The following RORA variants were observed in gnomAD, a reference collection of about 807,000 sequenced individuals.
RORA encodes RAR related orphan receptor A, also known as nuclear receptor ROR-alpha.
In RORA, 7 loss-of-function variants were observed where a neutral mutation model predicts 69.5. The ratio of observed to expected loss-of-function variants is 0.10; its 90% confidence interval spans 0.06 to 0.19. RORA has a LOEUF of 0.19. Ranked by LOEUF, RORA falls within the 10% of genes least tolerant of loss-of-function variation. The pLI, the probability that RORA is intolerant of heterozygous loss-of-function variation, is 1.00. For missense variants in RORA, 457 were observed against 663.0 expected, an observed-to-expected ratio of 0.69 and a Z score of 3.41; for synonymous variants, 261 against 240.8, an observed-to-expected ratio of 1.08 and a Z score of -0.78.
Position 60,511,675 on chromosome 15 carries a change from C to T in RORA, c.425-54G>A. 6.6e-7 allele frequency: 1 copy of T among 1,517,754 alleles called. No homozygotes were observed. Among genetic ancestry groups the T allele is most frequent in the Non-Finnish European group, 8.8e-7 (1 of 1,133,904 alleles). 94.0% of individuals were successfully genotyped at this position (1,517,754 alleles called of 1,614,324 possible). Reference sequence around the variant, plus strand: ...ATACAATGCGCTTTTCTTCAATATTCTCTCCTGCGAGCTTTGGGGTTTCCT... The same window carrying T: ...ATACAATGCGCTTTTCTTCAATATTTTCTCCTGCGAGCTTTGGGGTTTCCT... On this transcript the variant is annotated intron_variant, in intron 4 of 10. Coordinates refer to ENST00000335670, the MANE Select transcript of RORA (RefSeq NM_134261.3). The surrounding 1 kb of genome is among the most constrained non-coding windows in gnomAD (Gnocchi z 6.4).
chr15:60,711,603 C>T (rs1308268742), intron 1 of RORA, among the ~76,000 whole-genome samples: 1 of 152,166 alleles, frequency 6.6e-6, no homozygotes, highest in Non-Finnish European at 1.5e-5. Context: ...GGAGGCTAGG[C>T]TGAGGGTCTC....
In RORA at chr15:61,017,569, C is replaced by T. The variant is rs373740568; in HGVS notation, c.166+211484G>A. Among the ~76,000 whole-genome samples, 46 of 152,170 alleles carry T rather than the reference C, an allele frequency of 3.0e-4. 2 individuals are homozygous for T. The South Asian group carries it at 6.7e-3, about 22-fold the overall frequency. ...CACAGTTCTTTTTCTTTTCCCTTCT[C>T]TAAGTCTGAACACTTGAAAGGATGA... On this transcript the variant is annotated intron_variant, in intron 1 of 10. Coordinates refer to ENST00000335670, the MANE Select transcript of RORA (RefSeq NM_134261.3).
intron 1 of RORA, among the ~76,000 whole-genome samples, chr15:61,064,394 C>A (rs1363091327): frequency 6.6e-6 from 1 of 152,198 alleles, no homozygotes; most frequent in African/African-American, 2.4e-5. Flanking sequence ...ATTTACATGA[C>A]CCACTCTTAC....
intron 1 of RORA, among the ~76,000 whole-genome samples, chr15:61,195,001 T>C (rs1257154594): frequency 6.6e-6 from 1 of 151,588 alleles, no homozygotes; most frequent in East Asian, 1.9e-4. Context: ...CTGTTGTTGT[T>C]AATAATAATA....
intron 1 of RORA, among the ~76,000 whole-genome samples, chr15:60,770,782 C>A (rs2072061814): frequency 6.6e-6 from 1 of 152,156 alleles, no homozygotes; most frequent in Non-Finnish European, 1.5e-5. Flanking sequence ...TTCACCATGC[C>A]TGGCTAGTTT....
chr15:60,928,344 A>ACTT (rs1280686819), intron 1 of RORA, among the ~76,000 whole-genome samples: 1 of 152,176 alleles, frequency 6.6e-6, no homozygotes, highest in African/African-American at 2.4e-5. Flanking sequence ...TCCTGTAACT[A>ACTT]CTTAATTTAA....
intron 2 of RORA, chr15:60,547,625 CT>C (rs67626489): frequency 0.7 from 96,160 of 137,200 alleles, 35,369 homozygotes; most frequent in South Asian, 0.87. Flanking sequence ...CATGACTGGC[CT>C]TTTTTTTTTT....
intron 1 of RORA, among the ~76,000 whole-genome samples, chr15:61,097,151 G>A (rs1313506876): frequency 6.6e-6 from 1 of 152,188 alleles, no homozygotes; most frequent in Non-Finnish European, 1.5e-5. Context: ...GACTGTGGAA[G>A]AGCTTGTGGA....
chr15:60,901,478 G>A (rs1231292679), intron 1 of RORA, among the ~76,000 whole-genome samples: 2 of 152,184 alleles, frequency 1.3e-5, no homozygotes, highest in Non-Finnish European at 2.9e-5. Flanking sequence ...GGCGATTCAT[G>A]ATGTTCCTAA....
intron 1 of RORA, among the ~76,000 whole-genome samples, chr15:61,044,302 G>C (rs1332217590): frequency 6.6e-6 from 1 of 152,102 alleles, no homozygotes; most frequent in African/African-American, 2.4e-5. Flanking sequence ...CAGGCCCTTG[G>C]TATCACCTTC....
intron 1 of RORA, among the ~76,000 whole-genome samples, chr15:61,216,297 C>T (rs2080039837): frequency 6.6e-6 from 1 of 152,206 alleles, no homozygotes; most frequent in African/African-American, 2.4e-5. Context: ...CTTTCTCACG[C>T]TGTTCTCTCA....
intron 2 of RORA, among the ~76,000 whole-genome samples, chr15:60,628,014 A>G (rs1409820931): frequency 6.6e-6 from 1 of 152,246 alleles, no homozygotes; most frequent in Non-Finnish European, 1.5e-5. Context: ...TTAGAGCTAC[A>G]GAAATTTGTA....
chr15:60,732,637 C>T (rs957479144), intron 1 of RORA, among the ~76,000 whole-genome samples: 7 of 151,790 alleles, frequency 4.6e-5, no homozygotes, highest in Admixed American at 3.9e-4. Context: ...TAATCATTCT[C>T]ATTCTCTCTC....
chr15:60,600,770 G>C (rs183420765), intron 2 of RORA, among the ~76,000 whole-genome samples: 1 of 152,014 alleles, frequency 6.6e-6, no homozygotes, highest in Admixed American at 6.6e-5. Flanking sequence ...GTAAAGCCTT[G>C]TGTCCTCAAA....
At chr15:60,671,241 A>G (rs2070464922) in intron 2 of RORA, among the ~76,000 whole-genome samples, 1 of 152,024 alleles carries the variant, frequency 6.6e-6, no homozygotes, top group East Asian at 1.9e-4. Context: ...ACAAAAAAGT[A>G]TAAATTTATT....
chr15:60,654,913 T>A, intron 2 of RORA, among the ~76,000 whole-genome samples: 1 of 152,194 alleles, frequency 6.6e-6, no homozygotes, highest in African/African-American at 2.4e-5. Flanking sequence ...TCAATAAAAC[T>A]GGGTTTGTAC....
intron 1 of RORA, among the ~76,000 whole-genome samples, chr15:61,093,969 G>T (rs1350070306): frequency 6.6e-6 from 1 of 152,132 alleles, no homozygotes; most frequent in South Asian, 2.1e-4. Flanking sequence ...TGCTTCCGTC[G>T]CCAAGTCCTT....
At chr15:61,139,886 G>A (rs954077290) in intron 1 of RORA, among the ~76,000 whole-genome samples, 1 of 152,130 alleles carries the variant, frequency 6.6e-6, no homozygotes, top group Admixed American at 6.5e-5. Flanking sequence ...CTTGCCCTGG[G>A]TTTTCTTTAA....
At chr15:61,170,284 T>G (rs2079574038) in intron 1 of RORA, among the ~76,000 whole-genome samples, 1 of 152,198 alleles carries the variant, frequency 6.6e-6, no homozygotes. Context: ...AGAAATCTGT[T>G]TTCTTGCGTT....
Sources: allele counts gnomAD v4.1 joint callset (sites outside exome capture counted in the v4.1 genomes callset), GRCh38; gene constraint gnomAD v4.1.1; non-coding constraint Gnocchi (gnomAD v3.1); transcripts MANE v1.5; gene names NCBI Gene and HGNC (gene_info 2026-07-23, HGNC 2026-07-21).